Variants in MAP1S observed in about 807,000 individuals in gnomAD.
The protein encoded by MAP1S is microtubule associated protein 1S.
Under a neutral mutation model 60.9 loss-of-function variants are expected in MAP1S, and 27 were observed. The observed-to-expected ratio is 0.44, with a 90% CI of 0.33 to 0.61. MAP1S has a LOEUF of 0.61. Ranked by LOEUF, MAP1S falls within the 20% of genes least tolerant of loss-of-function variation. The probability of loss-of-function intolerance (pLI) is 0.03; values close to 1 mark genes in which losing one functional copy is unlikely to be tolerated. For synonymous variants in MAP1S, 826 were observed against 694.2 expected (o/e 1.19, Z -2.98); for missense variants, 1,608 against 1,486.6 (o/e 1.08, Z -1.34).
At chr19:17,722,522 G>A (rs2080379656) in intron 2 of MAP1S, among the ~76,000 whole-genome samples, 2 of 152,242 alleles carry the variant, frequency 1.3e-5, no homozygotes, top group South Asian at 4.1e-4. Context: ...GCTGAGGTGG[G>A]TGGATCACCT....
In MAP1S at chr19:17,727,290, C is replaced by A; in HGVS notation, c.1906C>A (p.Pro636Thr). The change falls in exon 5 of 7, where the codon CCA (proline) becomes ACA (threonine). Residue 636 changes from proline (P) to threonine (T), a missense_variant. Pro to Thr is a conservative substitution (Grantham distance 38). Transcript: ENST00000324096. This position sits in a 1 kb window ranked among gnomAD's most constrained non-coding sequence, Gnocchi z 4.1. ...LPLAASSIPR[P>T]RTPSPESHRS... ...TTTGGCCGCCAGCTCAATCCCAAGG[C>A]CACGCACACCCTCCCCTGAGTCCCA... The A allele has an allele frequency of 6.3e-7, 1 of 1,588,574 alleles. No individual in the cohort carries two copies. The highest frequency in any genetic ancestry group is 1.7e-5 in the Admixed American group (1 of 57,636).
At chr19:17,730,072 T>G (rs531594532) in intron 5 of MAP1S, among the ~76,000 whole-genome samples, 72 of 152,200 alleles carry the variant, frequency 4.7e-4, no homozygotes, top group Non-Finnish European at 6.5e-4. Context: ...CCTCCCAAAG[T>G]GCTGGGATTA....
In MAP1S at chr19:17,733,420, G is replaced by C. The variant is rs114901293; in HGVS notation, c.3016G>C (p.Asp1006His). Residue 1006 changes from aspartate (D) to histidine (H), a missense_variant, in exon 6 of 7, where the codon GAC becomes CAC. Physicochemically the swap from Asp to His is moderately conservative, Grantham distance 81. Coordinates refer to ENST00000324096, the MANE Select transcript of MAP1S (RefSeq NM_018174.6). ...GGCCAGCAAGCAGCATTGGGACCGT[G>C]ACCTGCAGGTGCGTGTCACCCCAGG... ...LLASKQHWDR[D>H]LQVTLIPTFD... 7,896 of 1,599,650 alleles carry C rather than the reference G, an allele frequency of 4.9e-3. 31 individuals are homozygous for C. Among genetic ancestry groups the C allele is most frequent in the Non-Finnish European group, 5.6e-3 (6,570 of 1,172,514 alleles).
rs79994458 is a variant in MAP1S at position 17,722,366 on chromosome 19, C to T, written c.220+1329C>T. 6.7e-4 allele frequency among the ~76,000 whole-genome samples: 102 copies of T among 152,354 alleles called. 2 individuals are homozygous for T. In the East Asian group the frequency reaches 0.018, roughly 27 times the overall value. ...ACTCAGGAGCCCGAGGAGGGAGGAT[C>T]GCTTTTACCCAGGAGGCAGAGGCTG... On this transcript the variant is annotated intron_variant, in intron 2 of 6. Transcript: ENST00000324096.
intron 5 of MAP1S, among the ~76,000 whole-genome samples, chr19:17,728,412 C>T (rs1013231433): frequency 2.2e-4 from 33 of 152,086 alleles, no homozygotes; most frequent in African/African-American, 7.0e-4. Context: ...CTACCCCTGC[C>T]TAATTTTAAA....
chr19:17,729,877 G>C (rs753062637), intron 5 of MAP1S, among the ~76,000 whole-genome samples: 3 of 152,134 alleles, frequency 2.0e-5, no homozygotes, highest in Non-Finnish European at 2.9e-5. Context: ...TGGTCAGGCC[G>C]GTCTCGAACT....
At chr19:17,734,131 T>C in intron 6 of MAP1S, 142 bp from the exon 7 acceptor site, 1 of 676,344 alleles carries the variant, frequency 1.5e-6, no homozygotes, top group South Asian at 1.9e-5. Flanking sequence ...GACCTCAAGG[T>C]GGAGCACACA....
At chr19:17,729,162 C>T (rs1041214692) in intron 5 of MAP1S, among the ~76,000 whole-genome samples, 2 of 152,192 alleles carry the variant, frequency 1.3e-5, no homozygotes, top group Non-Finnish European at 2.9e-5. Context: ...CCAAAGGAAA[C>T]CAGGCAGAAG....
In MAP1S at chr19:17,727,980, C is replaced by G. The variant is rs746785422; in HGVS notation, c.2596C>G (p.Leu866Val). Residue 866 changes from leucine to valine, a missense_variant, in exon 5 of 7, where the codon CTG (leucine) becomes GTG (valine). Physicochemically the swap from Leu to Val is conservative, Grantham distance 32. Transcript: ENST00000324096. This position sits in a 1 kb window ranked among gnomAD's most constrained non-coding sequence, Gnocchi z 4.1. ...TENVSRTRKP[L>V]ARPNSRAAAP... ...GAACGTCAGCCGCACCCGGAAGCCC[C>G]TGGCCCGCCCCAACTCACGCGCTGC... The G allele has an allele frequency of 6.2e-7, 1 of 1,610,256 alleles. No individual in the cohort carries two copies. Among genetic ancestry groups the G allele is most frequent in the South Asian group, 1.1e-5 (1 of 90,774 alleles).
At chr19:17,731,767 G>A (rs1227675662) in intron 5 of MAP1S, among the ~76,000 whole-genome samples, 1 of 152,238 alleles carries the variant, frequency 6.6e-6, no homozygotes, top group Non-Finnish European at 1.5e-5. Flanking sequence ...CTGGGTTCAA[G>A]CAGTTCTCCT....
intron 5 of MAP1S, among the ~76,000 whole-genome samples, chr19:17,729,685 A>G (rs754258549): frequency 2.6e-5 from 4 of 151,046 alleles, no homozygotes; most frequent in Non-Finnish European, 4.4e-5. Context: ...TTTTTTTGAG[A>G]TGGAGTCTTG....
Position 17,734,510 on chromosome 19 carries a change from C to G in MAP1S, c.*82C>G, listed in dbSNP as rs998408654. 34 of 1,509,462 alleles carry G rather than the reference C, an allele frequency of 2.3e-5. No individual in the cohort carries two copies. Among genetic ancestry groups the G allele is most frequent in the Non-Finnish European group, 3.0e-5 (34 of 1,123,430 alleles). The allele number at this position is 1,509,462 out of a possible 1,614,324, so 93.5% of individuals were successfully genotyped here. A position where few individuals can be genotyped will look rare whatever the true frequency, so the allele number is the denominator to read the frequency against. ...ACATCAGAAATAAACTGTGACTACA[C>G]TTGGCTGTGGCCTCTCTTCTTTCTG... On this transcript the variant is annotated 3_prime_UTR_variant, in exon 7 of 7. Coordinates refer to ENST00000324096, the MANE Select transcript of MAP1S (RefSeq NM_018174.6).
At position 17,724,042 on chromosome 19, in the gene MAP1S, G is replaced by A. The variant is rs529345668; in HGVS notation, c.221-84G>A. 7.0e-6 allele frequency: 7 copies of A among 993,640 alleles called. No homozygotes were observed. The Admixed American group carries it at 1.1e-4, about 16-fold the overall frequency. The allele number at this position is 993,640 out of a possible 1,614,324, so 61.6% of individuals were successfully genotyped here. A position where few individuals can be genotyped will look rare whatever the true frequency, so the allele number is the denominator to read the frequency against. Reference sequence around the variant, plus strand: ...CTGTTAATCTCCATATGATCCCTGGGTGGGTTCCCAGAGGGGTTCATGTTC... The same window carrying A: ...CTGTTAATCTCCATATGATCCCTGGATGGGTTCCCAGAGGGGTTCATGTTC... On this transcript the variant is annotated intron_variant, in intron 2 of 6. Transcript: ENST00000324096.
Position 17,726,328 on chromosome 19 carries a change from TGGCTGCTGGTGGG to T in MAP1S, c.949_961del (p.Ala317ProfsTer39). Reference sequence around the variant, plus strand: ...CGCAAACTGGCGGAGCGCTCCGAGGTGGCTGCTGGTGGGGGCTCCTGGGACGACAGGCTGCGCA... The same window carrying T: ...CGCAAACTGGCGGAGCGCTCCGAGGTGGCTCCTGGGACGACAGGCTGCGCA... On this transcript the variant is annotated frameshift_variant, in exon 5 of 7. Transcript: ENST00000324096. LOFTEE classifies it high-confidence loss of function. 1 of 1,603,072 alleles carries T rather than the reference TGGCTGCTGGTGGG, an allele frequency of 6.2e-7. No individual in the cohort carries two copies. Among genetic ancestry groups the T allele is most frequent in the Non-Finnish European group, 8.5e-7 (1 of 1,178,374 alleles).
chr19:17,732,873 GGTGTTTGTAGAGTGA>G (rs1326767510), intron 5 of MAP1S: 7 of 333,802 alleles, frequency 2.1e-5, no homozygotes, highest in Non-Finnish European at 3.8e-5. Flanking sequence ...GGTGGCCGGT[GGTGTTTGTAGAGTGA>G]GTGAAGAGTC....
intron 1 of MAP1S, chr19:17,720,010 A>T: frequency 3.5e-6 from 2 of 578,468 alleles, no homozygotes; most frequent in Non-Finnish European, 4.5e-6. Context: ...TTAGCAGCTT[A>T]GATAGAGATC....
rs756248611 is a variant in MAP1S, at chr19:17,726,048, T to A, written c.664T>A (p.Ser222Thr). Reference protein sequence around the residue: ...EYVAESLEPPSPFELLEPPTS... With the variant: ...EYVAESLEPPTPFELLEPPTS... ...CGTGGCTGAGTCTCTGGAGCCACCG[T>A]CCCCCTTCGAGCTGCTGGAGCCCCC... Residue 222 changes from serine to threonine, a missense_variant, in exon 5 of 7, where the codon TCC becomes ACC. Ser to Thr is a moderately conservative substitution (Grantham distance 58, BLOSUM62 1). Transcript: ENST00000324096. The A allele has an allele frequency of 6.2e-7, 1 of 1,613,198 alleles. No homozygotes were observed. The highest frequency in any genetic ancestry group is 1.1e-5 in the South Asian group (1 of 91,020).
chr19:17,730,046 GAT>G (rs1275095736), intron 5 of MAP1S, among the ~76,000 whole-genome samples: 5 of 152,146 alleles, frequency 3.3e-5, no homozygotes, highest in African/African-American at 1.2e-4. Flanking sequence ...GAACTCAAGT[GAT>G]CCTTTGGCCT....
chr19:17,725,925 G>A lies in MAP1S; in HGVS notation c.541G>A (p.Ala181Thr), dbSNP rs752078894. Residue 181 changes from alanine (A) to threonine (T), a missense_variant, in exon 5 of 7, where the codon GCT becomes ACT. Ala to Thr is a moderately conservative substitution (Grantham distance 58). Transcript: ENST00000324096. The surrounding 1 kb of genome is among the most constrained non-coding windows in gnomAD (Gnocchi z 4.2). ...TFGDWAQLAP[A>T]VPGLQGALRL... ...CGGTGACTGGGCTCAGCTGGCACCC[G>A]CTGTGCCTGGCCTTCAGGGGGCGCT... The A allele has an allele frequency of 7.4e-6, 12 of 1,613,492 alleles. No individual in the cohort carries two copies. Among genetic ancestry groups the A allele is most frequent in the African/African-American group, 1.3e-5 (1 of 74,926 alleles).
Sources: gnomAD v4.1 joint callset for allele counts (sites outside exome capture counted in the v4.1 genomes callset) on GRCh38, gnomAD v4.1.1 for gene constraint, Gnocchi (gnomAD v3.1) non-coding constraint, MANE v1.5 for transcripts, NCBI Gene and HGNC (gene_info 2026-07-23, HGNC 2026-07-21) for gene names.